Variants in CACNB2 observed in about 807,000 individuals in gnomAD.
CACNB2 encodes calcium voltage-gated channel auxiliary subunit beta 2.
Under a neutral mutation model 73.3 loss-of-function variants are expected in CACNB2, and 42 were observed. That is an observed-to-expected ratio of 0.57 (90% confidence interval 0.45 to 0.74). The LOEUF (loss-of-function observed/expected upper bound fraction) is 0.74. Ranked by LOEUF, CACNB2 falls within the 30% of genes least tolerant of loss-of-function variation. CACNB2 has a pLI of 0.00. For synonymous variants in CACNB2, 348 were observed against 310.3 expected, an observed-to-expected ratio of 1.12 and a Z score of -1.28; for missense variants, 940 against 853.0, an observed-to-expected ratio of 1.10 and a Z score of -1.27.
intron 3 of CACNB2, among the ~76,000 whole-genome samples, chr10:18,428,219 A>AT (rs2045704022): frequency 6.6e-6 from 1 of 151,062 alleles, no homozygotes; most frequent in African/African-American, 2.4e-5. Flanking sequence ...TCTTTTTTTT[A>AT]TTTTTTTAGT....
chr10:18,536,830 T>C (rs2053652853), intron 12 of CACNB2, among the ~76,000 whole-genome samples: 1 of 152,236 alleles, frequency 6.6e-6, no homozygotes, highest in African/African-American at 2.4e-5. Context: ...TGGTATATTA[T>C]TCATTTCTGA....
chr10:18,345,926 C>T (rs957974063), intron 2 of CACNB2, among the ~76,000 whole-genome samples: 7 of 152,294 alleles, frequency 4.6e-5, no homozygotes, highest in Middle Eastern at 3.4e-3. Context: ...GACCGAAGCA[C>T]GCTTAGTATG....
intron 5 of CACNB2, among the ~76,000 whole-genome samples, chr10:18,506,018 G>A (rs187401811): frequency 7.2e-4 from 109 of 152,278 alleles, no homozygotes; most frequent in Non-Finnish European, 1.2e-3. Context: ...TCATGAAAGC[G>A]TGAGTGCTTT....
At chr10:18,167,841 C>T (rs774173749) in intron 2 of CACNB2, among the ~76,000 whole-genome samples, 26 of 152,240 alleles carry the variant, frequency 1.7e-4, no homozygotes, top group Admixed American at 1.1e-3. Context: ...CTTTAAGACA[C>T]GTGTCATATA....
chr10:18,467,314 T>C (rs1287095143), intron 3 of CACNB2, among the ~76,000 whole-genome samples: 1 of 152,224 alleles, frequency 6.6e-6, no homozygotes, highest in Middle Eastern at 3.2e-3. Context: ...GCATCAACAC[T>C]GGTGTTCAAA....
chr10:18,451,434 G>A (rs1235272564), intron 3 of CACNB2, among the ~76,000 whole-genome samples: 1 of 152,146 alleles, frequency 6.6e-6, no homozygotes, highest in Non-Finnish European at 1.5e-5. Flanking sequence ...TGGATAGAGA[G>A]TTTCTGTCAT....
chr10:18,464,418 T>TAAAATAAAAAAAAAAATAAAAAAA (rs1554824204), intron 3 of CACNB2, among the ~76,000 whole-genome samples: 1 of 85,298 alleles, frequency 1.2e-5, no homozygotes, highest in Non-Finnish European at 2.3e-5. Flanking sequence ...TCTCAAAAAT[T>TAAAATAAAAAAAAAAATAAAAAAA]AAAAAAAAAA....
intron 2 of CACNB2, among the ~76,000 whole-genome samples, chr10:18,163,101 C>G (rs972581566): frequency 6.6e-6 from 1 of 151,910 alleles, no homozygotes; most frequent in African/African-American, 2.4e-5. Context: ...ACACAGAGGT[C>G]GAAGAGTTGG....
At chr10:18,492,620 C>CA (rs371407084) in intron 3 of CACNB2, among the ~76,000 whole-genome samples, 48,690 of 90,336 alleles carry the variant, frequency 0.54, 12,417 homozygotes, top group East Asian at 0.72. Flanking sequence ...GACTCTGTCT[C>CA]AAAAAAAAAA....
chr10:18,381,505 T>C (rs1033321489), intron 2 of CACNB2, among the ~76,000 whole-genome samples: 1 of 151,866 alleles, frequency 6.6e-6, no homozygotes. Context: ...CTGGCCAATA[T>C]GGTGAAACCC....
intron 2 of CACNB2, among the ~76,000 whole-genome samples, chr10:18,274,554 T>C (rs2038195556): frequency 6.6e-6 from 1 of 152,228 alleles, no homozygotes; most frequent in Non-Finnish European, 1.5e-5. Context: ...AACTTCTCTA[T>C]GTCACGACCT....
At chr10:18,489,381 A>T (rs2049272405) in intron 3 of CACNB2, among the ~76,000 whole-genome samples, 1 of 131,690 alleles carries the variant, frequency 7.6e-6, no homozygotes, top group African/African-American at 3.0e-5. Context: ...CAAGAGTGAA[A>T]CTCCATCTCA....
chr10:18,365,029 A>G (rs2042293231), intron 2 of CACNB2, among the ~76,000 whole-genome samples: 1 of 152,220 alleles, frequency 6.6e-6, no homozygotes, highest in African/African-American at 2.4e-5. Flanking sequence ...TGTATAAATT[A>G]ATCTAATCCA....
At chr10:18,466,163 AC>A (rs2047872705) in intron 3 of CACNB2, among the ~76,000 whole-genome samples, 1 of 152,178 alleles carries the variant, frequency 6.6e-6, no homozygotes, top group South Asian at 2.1e-4. Context: ...AGCAAATAAA[AC>A]CTTTCAACCA....
intron 2 of CACNB2, among the ~76,000 whole-genome samples, chr10:18,282,376 C>G (rs562518546): frequency 4.8e-4 from 73 of 152,258 alleles, no homozygotes; most frequent in Non-Finnish European, 9.9e-4. Context: ...CAGCCCCCTC[C>G]GTGTGTGAGC....
At chr10:18,234,392 A>G (rs568350892) in intron 2 of CACNB2, 38 of 152,342 alleles carry the variant, frequency 2.5e-4, no homozygotes, top group African/African-American at 8.2e-4. Context: ...ACTTTTGGGT[A>G]TACACCCAAG....
At chr10:18,307,719 T>G (rs1312639248) in intron 2 of CACNB2, among the ~76,000 whole-genome samples, 1 of 152,096 alleles carries the variant, frequency 6.6e-6, no homozygotes, top group Non-Finnish European at 1.5e-5. Flanking sequence ...TAAAAAGATG[T>G]GAGGTCACTG....
intron 2 of CACNB2, among the ~76,000 whole-genome samples, chr10:18,160,541 T>G (rs1324310655): frequency 2.6e-5 from 4 of 152,162 alleles, no homozygotes; most frequent in Non-Finnish European, 5.9e-5. Context: ...TTATCTTGAT[T>G]ATCTAATATA....
At chr10:18,220,228 TATATA>T (rs2035715426) in intron 2 of CACNB2, among the ~76,000 whole-genome samples, 21 of 40,942 alleles carry the variant, frequency 5.1e-4, no homozygotes, top group African/African-American at 4.3e-3. Flanking sequence ...TATATATATA[TATATA>T]GAGAGAGAGA....
Sources: allele counts gnomAD v4.1 joint callset (sites outside exome capture counted in the v4.1 genomes callset), GRCh38; gene constraint gnomAD v4.1.1; transcripts MANE v1.5; gene names NCBI Gene and HGNC (gene_info 2026-07-23, HGNC 2026-07-21).